Variants in NTM observed in about 807,000 individuals in gnomAD.
NTM encodes the protein IgLON family member 2.
In NTM, 13 loss-of-function variants were observed where a neutral mutation model predicts 42.1. The ratio of observed to expected loss-of-function variants is 0.31; its 90% CI spans 0.20 to 0.49. The LOEUF (loss-of-function observed/expected upper bound fraction) is 0.49, where lower values mean the gene tolerates loss of function less well. Ranked by LOEUF, NTM falls within the 20% of genes least tolerant of loss-of-function variation. The pLI is 0.99. For synonymous variants in NTM, 187 were observed against 179.2 expected (o/e 1.04, Z -0.35); for missense variants, 373 against 452.8 (o/e 0.82, Z 1.60).
chr11:132,267,576 G>A (rs1285111754), intron 4 of NTM, among the ~76,000 whole-genome samples: 1 of 151,612 alleles, frequency 6.6e-6, no homozygotes, highest in African/African-American at 2.4e-5. Flanking sequence ...AACACTTTGG[G>A]AGGCCGAGGT....
chr11:131,855,120 C>A (rs576312058), intron 1 of NTM, among the ~76,000 whole-genome samples: 19 of 152,090 alleles, frequency 1.2e-4, no homozygotes, highest in Non-Finnish European at 2.4e-4. Context: ...AATTCTAGAT[C>A]ATCAGAATGA....
intron 1 of NTM, among the ~76,000 whole-genome samples, chr11:131,407,792 G>T (rs1438981131): frequency 6.6e-6 from 1 of 152,320 alleles, no homozygotes; most frequent in Non-Finnish European, 1.5e-5. Flanking sequence ...GCAGGGAGAG[G>T]AGACGCTTCC....
At chr11:132,057,833 T>C (rs2079946569) in intron 2 of NTM, among the ~76,000 whole-genome samples, 2 of 152,236 alleles carry the variant, frequency 1.3e-5, no homozygotes. Flanking sequence ...ACTGGCGCTG[T>C]TGGTTGTTTT....
intron 2 of NTM, among the ~76,000 whole-genome samples, chr11:132,137,840 G>T (rs957372268): frequency 6.6e-6 from 1 of 152,200 alleles, no homozygotes; most frequent in African/African-American, 2.4e-5. Context: ...AGGGCAGGGA[G>T]CCTGTCCACG....
chr11:132,193,093 T>C (rs896915163), intron 3 of NTM, among the ~76,000 whole-genome samples: 3 of 152,130 alleles, frequency 2.0e-5, no homozygotes, highest in African/African-American at 7.2e-5. Context: ...AGACAGATCA[T>C]TGAGGCAGAT....
At chr11:131,853,207 A>G (rs2045764262) in intron 1 of NTM, among the ~76,000 whole-genome samples, 1 of 151,964 alleles carries the variant, frequency 6.6e-6, no homozygotes, top group African/African-American at 2.4e-5. Context: ...ACACAGTCTG[A>G]GCACCATAAG....
chr11:131,428,246 T>C (rs1046404331), intron 1 of NTM, among the ~76,000 whole-genome samples: 1 of 152,206 alleles, frequency 6.6e-6, no homozygotes, highest in African/African-American at 2.4e-5. Flanking sequence ...CGCCTGTCAC[T>C]CTTCTCTCTG....
At chr11:131,994,566 G>A (rs2067637299) in intron 2 of NTM, among the ~76,000 whole-genome samples, 1 of 152,184 alleles carries the variant, frequency 6.6e-6, no homozygotes, top group South Asian at 2.1e-4. Flanking sequence ...GTGTGTTGGT[G>A]AGATTTTGTT....
In NTM at chr11:132,067,588, T is replaced by C. The variant is rs143835345; in HGVS notation, c.168-78694T>C. Among the ~76,000 whole-genome samples, 209 of 152,314 alleles carry C rather than the reference T, an allele frequency of 1.4e-3. 2 individuals are homozygous for C. The highest frequency in any genetic ancestry group is 4.7e-3 in the African/African-American group (196 of 41,574). On this transcript the variant is annotated intron_variant, in intron 2 of 8. Coordinates refer to ENST00000683400, the MANE Select transcript of NTM (RefSeq NM_001352005.2). ...AGCATAGAATAACAGTTGTAGGCACTCCTATTCCAAAGGGGAGAAAATGGA... is the reference window on the plus strand; with the variant it reads ...AGCATAGAATAACAGTTGTAGGCACCCCTATTCCAAAGGGGAGAAAATGGA...
At chr11:132,108,370 G>A (rs771888270) in intron 2 of NTM, among the ~76,000 whole-genome samples, 11 of 152,162 alleles carry the variant, frequency 7.2e-5, no homozygotes, top group Non-Finnish European at 1.6e-4. Context: ...GAATGAAATA[G>A]TGCCATTTGT....
intron 1 of NTM, among the ~76,000 whole-genome samples, chr11:131,869,006 C>T (rs1238421397): frequency 2.0e-5 from 3 of 152,168 alleles, no homozygotes; most frequent in African/African-American, 7.2e-5. Context: ...TTTTTCCCAG[C>T]TCAGCCTGCA....
intron 2 of NTM, among the ~76,000 whole-genome samples, chr11:131,956,353 A>G (rs936294966): frequency 1.3e-5 from 2 of 152,196 alleles, no homozygotes; most frequent in Admixed American, 1.3e-4. Flanking sequence ...CACATTAAAA[A>G]GGCATTTGGG....
intron 3 of NTM, among the ~76,000 whole-genome samples, chr11:132,164,972 G>A (rs1419823576): frequency 6.6e-6 from 1 of 152,050 alleles, no homozygotes; most frequent in African/African-American, 2.4e-5. Flanking sequence ...CTGTCTAGAC[G>A]GCTGTTTTAT....
At chr11:132,333,192 G>A (rs750562379) in intron 8 of NTM, among the ~76,000 whole-genome samples, 6 of 151,952 alleles carry the variant, frequency 3.9e-5, no homozygotes, top group East Asian at 1.9e-4. Flanking sequence ...CAAAACATTC[G>A]ACCTGGCTTC....
At chr11:131,920,037 G>T (rs1018001964) in intron 2 of NTM, among the ~76,000 whole-genome samples, 3 of 152,154 alleles carry the variant, frequency 2.0e-5, no homozygotes, top group African/African-American at 7.2e-5. Flanking sequence ...TTCGTAAAAA[G>T]ATTGTTGCAT....
chr11:131,685,573 C>G (rs1358417287), intron 1 of NTM, among the ~76,000 whole-genome samples: 1 of 152,218 alleles, frequency 6.6e-6, no homozygotes, highest in Non-Finnish European at 1.5e-5. Flanking sequence ...GCTGGCAGTG[C>G]TCCGCCCCCT....
chr11:132,095,080 G>T (rs2060800022), intron 2 of NTM, among the ~76,000 whole-genome samples: 1 of 152,204 alleles, frequency 6.6e-6, no homozygotes, highest in Admixed American at 6.5e-5. Flanking sequence ...CTCAAAACTG[G>T]AGTTGCCGGC....
At chr11:131,831,320 A>G (rs2042789659) in intron 1 of NTM, among the ~76,000 whole-genome samples, 2 of 152,204 alleles carry the variant, frequency 1.3e-5, no homozygotes, top group African/African-American at 2.4e-5. Flanking sequence ...TACAAGGCAT[A>G]TTAACAAATC....
intron 2 of NTM, among the ~76,000 whole-genome samples, chr11:131,993,775 TG>T (rs776859646): frequency 6.6e-6 from 1 of 151,030 alleles, no homozygotes; most frequent in Non-Finnish European, 1.5e-5. Context: ...CTGTGGAGGG[TG>T]GATCACCTGA....
Sources: gnomAD v4.1 joint callset for allele counts (sites outside exome capture counted in the v4.1 genomes callset) on GRCh38, gnomAD v4.1.1 for gene constraint, MANE v1.5 for transcripts, NCBI Gene and HGNC (gene_info 2026-07-23, HGNC 2026-07-21) for gene names.